Variants in KLHL1 observed in about 807,000 individuals in gnomAD.
KLHL1 encodes kelch-like protein 1.
A neutral mutation model predicts 77.7 loss-of-function variants in KLHL1; 47 were observed. The observed-to-expected ratio is 0.60, with a 90% CI of 0.48 to 0.77. The LOEUF (loss-of-function observed/expected upper bound fraction) is 0.77. Among genes scored for constraint, KLHL1 ranks in the 30% least tolerant of loss-of-function variants. The probability of loss-of-function intolerance (pLI) is 0.00; values close to 1 mark genes in which losing one functional copy is unlikely to be tolerated. For missense variants in KLHL1, 925 were observed against 910.8 expected (o/e 1.02, Z -0.20); for synonymous variants, 360 against 325.2 (o/e 1.11, Z -1.15).
At chr13:69,819,807 C>A (rs149546540) in intron 6 of KLHL1, among the ~76,000 whole-genome samples, 7 of 152,016 alleles carry the variant, frequency 4.6e-5, no homozygotes, top group Admixed American at 3.9e-4. Context: ...AACAGAGCAA[C>A]GTGATAATAA....
At chr13:69,708,596 CTTATTG>C (rs941098108) in intron 9 of KLHL1, among the ~76,000 whole-genome samples, 11 of 152,064 alleles carry the variant, frequency 7.2e-5, no homozygotes, top group Admixed American at 5.3e-4. Context: ...GAAGACTGAA[CTTATTG>C]TTATTAAATT....
At chr13:69,993,002 C>T (rs1057114992) in intron 1 of KLHL1, among the ~76,000 whole-genome samples, 1 of 151,714 alleles carries the variant, frequency 6.6e-6, no homozygotes, top group Non-Finnish European at 1.5e-5. Flanking sequence ...GTAAATCATC[C>T]CAGATAAAAA....
chr13:69,982,267 C>G (rs1344891644), intron 1 of KLHL1, among the ~76,000 whole-genome samples: 3 of 151,750 alleles, frequency 2.0e-5, no homozygotes, highest in Middle Eastern at 3.4e-3. Context: ...AACCCTGTCT[C>G]TGCTAAAAAT....
intron 1 of KLHL1, among the ~76,000 whole-genome samples, chr13:70,060,499 A>C (rs142388313): frequency 6.6e-6 from 1 of 151,812 alleles, no homozygotes; most frequent in African/African-American, 2.4e-5. Flanking sequence ...CAATAGCCAA[A>C]ATTTGGAAGG....
intron 7 of KLHL1, among the ~76,000 whole-genome samples, chr13:69,785,541 C>A (rs1226106072): frequency 6.6e-6 from 1 of 151,660 alleles, no homozygotes; most frequent in African/African-American, 2.4e-5. Flanking sequence ...GCACTAAATG[C>A]CCACAAGAGA....
At chr13:69,748,395 A>G (rs538379028) in intron 7 of KLHL1, among the ~76,000 whole-genome samples, 5 of 152,198 alleles carry the variant, frequency 3.3e-5, no homozygotes, top group African/African-American at 9.6e-5. Context: ...GGTGGCAGCA[A>G]GAGAAAATTA....
intron 1 of KLHL1, among the ~76,000 whole-genome samples, chr13:70,092,054 A>G (rs1231045049): frequency 6.6e-6 from 1 of 152,140 alleles, no homozygotes; most frequent in African/African-American, 2.4e-5. Flanking sequence ...TCATACAGCC[A>G]CCAAGGAAAT....
intron 7 of KLHL1, among the ~76,000 whole-genome samples, chr13:69,773,875 A>G (rs974422637): frequency 6.6e-6 from 1 of 151,294 alleles, no homozygotes; most frequent in Non-Finnish European, 1.5e-5. Flanking sequence ...ATATATATAT[A>G]TATATATACA....
intron 5 of KLHL1, among the ~76,000 whole-genome samples, chr13:69,880,082 T>G (rs9542103): frequency 2.6e-5 from 4 of 152,162 alleles, no homozygotes; most frequent in East Asian, 1.9e-4. Context: ...GCACTCATAT[T>G]GTAGAAATAT....
intron 7 of KLHL1, among the ~76,000 whole-genome samples, chr13:69,793,474 T>G (rs969150949): frequency 7.0e-6 from 1 of 142,206 alleles, no homozygotes; most frequent in Non-Finnish European, 1.5e-5. Context: ...AGAACTCATG[T>G]GACTTTCTCA....
chr13:70,019,801 G>A (rs909234632), intron 1 of KLHL1, among the ~76,000 whole-genome samples: 3 of 152,112 alleles, frequency 2.0e-5, no homozygotes, highest in Non-Finnish European at 2.9e-5. Flanking sequence ...TTCTGAATAT[G>A]TCCCAAAATT....
chr13:69,979,598 T>C (rs1884650351), intron 1 of KLHL1, among the ~76,000 whole-genome samples: 1 of 152,156 alleles, frequency 6.6e-6, no homozygotes, highest in South Asian at 2.1e-4. Flanking sequence ...ATTACTTCAT[T>C]GTTTTGTCCG....
intron 5 of KLHL1, among the ~76,000 whole-genome samples, chr13:69,843,347 A>T (rs190623567): frequency 1.3e-5 from 2 of 151,820 alleles, no homozygotes; most frequent in East Asian, 3.9e-4. Flanking sequence ...AGAATAAAAA[A>T]GTGAATGCAA....
chr13:69,762,100 A>G (rs1445964361), intron 7 of KLHL1, among the ~76,000 whole-genome samples: 1 of 152,176 alleles, frequency 6.6e-6, no homozygotes, highest in Non-Finnish European at 1.5e-5. Context: ...ACAGTAGCTA[A>G]AAGGTTATCA....
At chr13:70,069,841 G>A (rs1887098680) in intron 1 of KLHL1, among the ~76,000 whole-genome samples, 1 of 151,426 alleles carries the variant, frequency 6.6e-6, no homozygotes, top group Admixed American at 6.6e-5. Context: ...TGTGGCATAT[G>A]TATAATGGAA....
At chr13:70,063,959 T>G (rs1886950314) in intron 1 of KLHL1, among the ~76,000 whole-genome samples, 1 of 152,062 alleles carries the variant, frequency 6.6e-6, no homozygotes, top group African/African-American at 2.4e-5. Context: ...TAATTCAAAA[T>G]TAACCAAAAC....
At chr13:70,026,143 T>C (rs1885934667) in intron 1 of KLHL1, among the ~76,000 whole-genome samples, 1 of 152,098 alleles carries the variant, frequency 6.6e-6, no homozygotes, top group African/African-American at 2.4e-5. Flanking sequence ...AGATCAGCAA[T>C]AAATAAATAA....
At chr13:69,873,171 C>T (rs1249620922) in intron 5 of KLHL1, among the ~76,000 whole-genome samples, 1 of 152,138 alleles carries the variant, frequency 6.6e-6, no homozygotes, top group Admixed American at 6.5e-5. Flanking sequence ...TTTCCATGAT[C>T]AAATAGTGAA....
chr13:69,972,126 A>G (rs1373929335), intron 2 of KLHL1, among the ~76,000 whole-genome samples: 1 of 151,958 alleles, frequency 6.6e-6, no homozygotes, highest in Admixed American at 6.6e-5. Context: ...TATGTAAATA[A>G]ATTTTCCATC....
Sources: allele counts gnomAD v4.1 joint callset (sites outside exome capture counted in the v4.1 genomes callset), GRCh38; gene constraint gnomAD v4.1.1; transcripts MANE v1.5; gene names NCBI Gene and HGNC (gene_info 2026-07-23, HGNC 2026-07-21).